FYB1: variants seen among roughly 807,000 people sequenced by gnomAD.
FYB1 encodes FYN-binding protein 1.
A neutral mutation model predicts 94.1 loss-of-function variants in FYB1; 41 were observed. The observed-to-expected ratio is 0.44, with a 90% CI of 0.34 to 0.57. The LOEUF is 0.57. Among genes scored for constraint, FYB1 ranks in the 20% least tolerant of loss-of-function variants. The pLI is 0.02. For synonymous variants in FYB1, 367 were observed against 353.2 expected (o/e 1.04, Z -0.44); for missense variants, 1,050 against 976.8 (o/e 1.07, Z -1.00).
chr5:39,157,828 A>G (rs1206178404), intron 2 of FYB1, among the ~76,000 whole-genome samples: 1 of 152,206 alleles, frequency 6.6e-6, no homozygotes, highest in Non-Finnish European at 1.5e-5. Context: ...GGATCCCTGT[A>G]GTAGTGGGCA....
At chr5:39,264,140 C>T (rs1287439254) in intron 1 of FYB1, among the ~76,000 whole-genome samples, 1 of 152,116 alleles carries the variant, frequency 6.6e-6, no homozygotes, top group Non-Finnish European at 1.5e-5. Flanking sequence ...CAGTTCAATC[C>T]AACATTTGAC....
At chr5:39,206,569 T>C (rs1338237907) in intron 1 of FYB1, among the ~76,000 whole-genome samples, 1 of 152,220 alleles carries the variant, frequency 6.6e-6, no homozygotes, top group East Asian at 1.9e-4. Context: ...GTAAGCCTTC[T>C]ATAACTCCTT....
intron 16 of FYB1, among the ~76,000 whole-genome samples, chr5:39,112,951 T>C (rs574760147): frequency 2.0e-5 from 3 of 152,226 alleles, no homozygotes; most frequent in East Asian, 3.9e-4. Context: ...GAGATGGCAC[T>C]GTGCTGCAAA....
intron 1 of FYB1, among the ~76,000 whole-genome samples, chr5:39,217,586 C>T (rs1390576027): frequency 6.6e-6 from 1 of 152,126 alleles, no homozygotes; most frequent in Non-Finnish European, 1.5e-5. Flanking sequence ...TTACTGTTAT[C>T]CCCATTTGAC....
intron 2 of FYB1, among the ~76,000 whole-genome samples, chr5:39,154,504 CT>C (rs70982546): frequency 0.66 from 93,271 of 141,282 alleles, 30,935 homozygotes; most frequent in Admixed American, 0.72. Context: ...AACCATTTTC[CT>C]TTTTTTTTTT....
chr5:39,262,836 T>C (rs1013418728), intron 1 of FYB1, among the ~76,000 whole-genome samples: 1 of 151,986 alleles, frequency 6.6e-6, no homozygotes, highest in East Asian at 1.9e-4. Context: ...AACAATACTA[T>C]ATGTTTGGAG....
intron 2 of FYB1, among the ~76,000 whole-genome samples, chr5:39,173,408 A>G (rs1430406391): frequency 1.3e-5 from 2 of 152,006 alleles, no homozygotes; most frequent in African/African-American, 4.8e-5. Context: ...TCTGTTGGAA[A>G]TTTCCTTTGC....
At chr5:39,166,772 G>A (rs1268764796) in intron 2 of FYB1, among the ~76,000 whole-genome samples, 2 of 152,016 alleles carry the variant, frequency 1.3e-5, no homozygotes, top group South Asian at 2.1e-4. Context: ...CGGACATAGA[G>A]TGTGAAATAA....
At position 39,121,410 on chromosome 5, in the gene FYB1, A is replaced by C. The variant is rs139143379; in HGVS notation, c.2138+926T>G. Among the ~76,000 whole-genome samples the C allele has an allele frequency of 8.3e-3, 1,261 of 152,168 alleles. 24 individuals carry two copies. The highest frequency in any genetic ancestry group is 0.029 in the African/African-American group (1,194 of 41,530). ...TTTCCCTTCAGAGTCTTTGATTTTG[A>C]TACTCTCTCTAGTTCAATAAAATTA... On this transcript the variant is annotated intron_variant, in intron 14 of 18. Transcript: ENST00000512982.
At position 39,119,406 on chromosome 5, in the gene FYB1, C is replaced by T. The variant is rs1261420586; in HGVS notation, c.2238+129G>A. 5.6e-5 allele frequency: 34 copies of T among 603,046 alleles called. No homozygotes were observed. In the East Asian group the frequency reaches 1.0e-3, roughly 18 times the overall value. 37.4% of individuals were successfully genotyped at this position (603,046 alleles called of 1,614,324 possible). A position where few individuals can be genotyped will look rare whatever the true frequency, so the allele number is the denominator to read the frequency against. The stretch of plus-strand genomic sequence containing the variant: ...CGGCTAACTGTAATATTGATAATTA[C>T]ACTTTAAAGTGTGCATTTTGTTACT... On this transcript the variant is annotated intron_variant, in intron 15 of 18. Transcript: ENST00000512982.
At chr5:39,172,047 G>A (rs1301065927) in intron 2 of FYB1, among the ~76,000 whole-genome samples, 2 of 152,196 alleles carry the variant, frequency 1.3e-5, no homozygotes, top group Non-Finnish European at 2.9e-5. Context: ...GTGAGGAGCA[G>A]TCTTTAATGC....
chr5:39,231,172 CA>C (rs1305384381), intron 1 of FYB1, among the ~76,000 whole-genome samples: 1 of 110,680 alleles, frequency 9.0e-6, no homozygotes, highest in South Asian at 2.9e-4. Context: ...CAAAAAAAAA[CA>C]AAAAAAACAA....
At chr5:39,111,705 A>G (rs1435725288) in intron 16 of FYB1, among the ~76,000 whole-genome samples, 1 of 151,944 alleles carries the variant, frequency 6.6e-6, no homozygotes, top group Non-Finnish European at 1.5e-5. Flanking sequence ...ATAATGAGAC[A>G]TGTGCCAAGA....
chr5:39,126,391 T>A (rs898282649), intron 11 of FYB1, among the ~76,000 whole-genome samples: 9 of 151,972 alleles, frequency 5.9e-5, no homozygotes, highest in African/African-American at 1.9e-4. Context: ...GTGAAGCAAG[T>A]CCATAAGGAT....
At chr5:39,170,367 A>C (rs905948485) in intron 2 of FYB1, 7 of 929,262 alleles carry the variant, frequency 7.5e-6, no homozygotes, top group Admixed American at 2.8e-5. Context: ...GGCAAACCTG[A>C]GGACTCTGGG....
Position 39,122,382 on chromosome 5 carries a change from C to A in FYB1, c.2092G>T (p.Asp698Tyr), listed in dbSNP as rs763053179. The A allele has an allele frequency of 6.3e-7, 1 of 1,579,230 alleles. No individual in the cohort carries two copies. Among genetic ancestry groups the A allele is most frequent in the Non-Finnish European group, 8.6e-7 (1 of 1,159,278 alleles). The change falls in exon 14 of 19, where the codon GAT (aspartate) becomes TAT (tyrosine). Residue 698 changes from aspartate (D) to tyrosine (Y), a missense_variant. Transcript: ENST00000512982. ...KQLDMGDEVY[D>Y]DVDTSDFPVS... Reference sequence around the variant, plus strand: ...GGGAAATCAGAGGTATCCACATCATCGTAAACTTCATCTCCCATGTCTAAC... The same window carrying A: ...GGGAAATCAGAGGTATCCACATCATAGTAAACTTCATCTCCCATGTCTAAC...
At chr5:39,243,603 A>G (rs1055788494) in intron 1 of FYB1, among the ~76,000 whole-genome samples, 1 of 152,188 alleles carries the variant, frequency 6.6e-6, no homozygotes, top group African/African-American at 2.4e-5. Flanking sequence ...CTTTTTGCTT[A>G]GGATTGTCTT....
intron 1 of FYB1, among the ~76,000 whole-genome samples, chr5:39,236,424 G>A (rs563856530): frequency 6.6e-6 from 1 of 152,162 alleles, no homozygotes; most frequent in South Asian, 2.1e-4. Flanking sequence ...GAAAATATAG[G>A]CCATTAATGT....
In FYB1 at chr5:39,121,782, T is replaced by C. The variant is rs75079333; in HGVS notation, c.2138+554A>G. On this transcript the variant is annotated intron_variant, in intron 14 of 18. Transcript: ENST00000512982. ...AGCCTAAAATTAATTTTTTTAAGAT[T>C]TGAATGTAACCTACCTAAAAGTCCT... Among the ~76,000 whole-genome samples, 831 of 152,282 alleles carry C rather than the reference T, an allele frequency of 5.5e-3. 11 individuals are homozygous for C. The highest frequency in any genetic ancestry group is 0.019 in the African/African-American group (788 of 41,570).
Sources: gnomAD v4.1 joint callset for allele counts (sites outside exome capture counted in the v4.1 genomes callset) on GRCh38, gnomAD v4.1.1 for gene constraint, MANE v1.5 for transcripts, NCBI Gene and HGNC (gene_info 2026-07-23, HGNC 2026-07-21) for gene names.